CSMD3: variants seen among roughly 807,000 people sequenced by gnomAD.
CSMD3 encodes CUB and sushi domain-containing protein 3.
Under a neutral mutation model 435.2 loss-of-function variants are expected in CSMD3, and 177 were observed. The observed-to-expected ratio is 0.41, with a 90% CI of 0.36 to 0.46. The LOEUF (loss-of-function observed/expected upper bound fraction) is 0.46. Ranked by LOEUF, CSMD3 falls within the 20% of genes least tolerant of loss-of-function variation. CSMD3 has a pLI of 0.34. For synonymous variants in CSMD3, 1,656 were observed against 1,520.5 expected (o/e 1.09, Z -2.07); for missense variants, 4,265 against 4,504.6 (o/e 0.95, Z 1.52).
At chr8:113,136,081 T>C (rs543850662) in intron 4 of CSMD3, among the ~76,000 whole-genome samples, 1 of 151,876 alleles carries the variant, frequency 6.6e-6, no homozygotes, top group Non-Finnish European at 1.5e-5. Context: ...TTTGACCATA[T>C]TACGTATCAT....
intron 13 of CSMD3, among the ~76,000 whole-genome samples, chr8:112,726,363 C>T (rs2076964420): frequency 6.6e-6 from 1 of 151,874 alleles, no homozygotes; most frequent in South Asian, 2.1e-4. Context: ...CAGTGATATA[C>T]ATTAGCATAT....
intron 4 of CSMD3, among the ~76,000 whole-genome samples, chr8:113,123,747 G>T (rs2091048579): frequency 1.3e-5 from 2 of 151,874 alleles, no homozygotes; most frequent in Non-Finnish European, 1.5e-5. Context: ...CTTTTTTGTG[G>T]GTAGAGAGTG....
chr8:112,504,474 T>C (rs948933796), intron 29 of CSMD3, among the ~76,000 whole-genome samples: 10 of 152,240 alleles, frequency 6.6e-5, no homozygotes, highest in African/African-American at 2.2e-4. Context: ...CAATCAGATA[T>C]GGACAAAAGC....
At chr8:112,753,935 C>T (rs2077631881) in intron 13 of CSMD3, among the ~76,000 whole-genome samples, 1 of 151,874 alleles carries the variant, frequency 6.6e-6, no homozygotes, top group Non-Finnish European at 1.5e-5. Context: ...ATACAAATTG[C>T]CAAAATTTAT....
chr8:112,974,000 T>C (rs1007801259), intron 7 of CSMD3, among the ~76,000 whole-genome samples: 10 of 151,844 alleles, frequency 6.6e-5, no homozygotes, highest in African/African-American at 2.4e-4. Flanking sequence ...CACCACTGAA[T>C]GCATATTAAA....
intron 13 of CSMD3, among the ~76,000 whole-genome samples, chr8:112,719,106 T>C (rs1411353942): frequency 1.3e-5 from 2 of 152,116 alleles, no homozygotes; most frequent in East Asian, 3.9e-4. Flanking sequence ...AAAAATTTCA[T>C]TAGACAAAAC....
At chr8:112,775,741 A>G (rs2078229099) in intron 13 of CSMD3, among the ~76,000 whole-genome samples, 1 of 151,896 alleles carries the variant, frequency 6.6e-6, no homozygotes, top group Non-Finnish European at 1.5e-5. Context: ...CAATCTAGTT[A>G]ATTCACAAAG....
At chr8:112,530,802 A>T (rs551450996) in intron 27 of CSMD3, among the ~76,000 whole-genome samples, 1 of 152,300 alleles carries the variant, frequency 6.6e-6, no homozygotes, top group South Asian at 2.1e-4. Context: ...CCGAGCCAAT[A>T]CCCACAGAGG....
chr8:112,668,031 G>A lies in CSMD3; in HGVS notation c.2678-1616C>T, dbSNP rs149376955. Among the ~76,000 whole-genome samples, 1,373 of 152,212 alleles carry A rather than the reference G, an allele frequency of 9.0e-3. 18 individuals carry two copies. Among genetic ancestry groups the A allele is most frequent in the African/African-American group, 0.029 (1,223 of 41,554 alleles). On this transcript the variant is annotated intron_variant, in intron 16 of 70. Coordinates refer to ENST00000297405, the MANE Select transcript of CSMD3 (RefSeq NM_198123.2). Reference sequence around the variant, plus strand: ...ATTGGCCTAGGAATTAAACATTACTGTAAAATTTCTGTTTTTAGTAAAACA... The same window carrying A: ...ATTGGCCTAGGAATTAAACATTACTATAAAATTTCTGTTTTTAGTAAAACA...
chr8:112,442,287 C>T (rs1171386569), intron 32 of CSMD3, among the ~76,000 whole-genome samples: 1 of 152,142 alleles, frequency 6.6e-6, no homozygotes, highest in African/African-American at 2.4e-5. Flanking sequence ...CTATACCCCA[C>T]CTCCAATATT....
At chr8:112,670,598 T>A (rs2075633628) in intron 16 of CSMD3, among the ~76,000 whole-genome samples, 1 of 152,058 alleles carries the variant, frequency 6.6e-6, no homozygotes, top group South Asian at 2.1e-4. Flanking sequence ...GGAAGGAGAA[T>A]CAAAAGCATT....
intron 32 of CSMD3, among the ~76,000 whole-genome samples, chr8:112,451,559 A>G (rs1816275923): frequency 6.6e-6 from 1 of 150,390 alleles, no homozygotes; most frequent in South Asian, 2.1e-4. Flanking sequence ...TTTTTTTGAG[A>G]CAGAGTTTTG....
intron 10 of CSMD3, among the ~76,000 whole-genome samples, chr8:112,903,965 A>G (rs1408758181): frequency 1.3e-5 from 2 of 151,360 alleles, no homozygotes; most frequent in Non-Finnish European, 3.0e-5. Flanking sequence ...GGAAACTCAC[A>G]GTTTTCTAGC....
At chr8:113,030,259 C>A in intron 5 of CSMD3, among the ~76,000 whole-genome samples, 1 of 149,406 alleles carries the variant, frequency 6.7e-6, no homozygotes, top group African/African-American at 2.4e-5. Flanking sequence ...TCATTCATTA[C>A]AGAATTAGAA....
At chr8:112,301,537 T>C (rs1820919182) in intron 53 of CSMD3, among the ~76,000 whole-genome samples, 1 of 152,116 alleles carries the variant, frequency 6.6e-6, no homozygotes, top group Non-Finnish European at 1.5e-5. Context: ...TTTCAGCAAT[T>C]AGTTTTCACC....
chr8:113,055,224 C>A (rs980199986), intron 5 of CSMD3, among the ~76,000 whole-genome samples: 1 of 152,250 alleles, frequency 6.6e-6, no homozygotes, highest in South Asian at 2.1e-4. Flanking sequence ...GATCTCGACT[C>A]ACTGCAACCT....
In CSMD3 at chr8:113,009,320, G is replaced by T. The variant is rs549697532; in HGVS notation, c.1030+9747C>A. Among the ~76,000 whole-genome samples, 12 of 151,894 alleles carry T rather than the reference G, an allele frequency of 7.9e-5. No individual in the cohort carries two copies. In the South Asian group the frequency reaches 2.3e-3, roughly 29 times the overall value. On this transcript the variant is annotated intron_variant, in intron 6 of 70. Coordinates refer to ENST00000297405, the MANE Select transcript of CSMD3 (RefSeq NM_198123.2). ...AGTACAAGAATTTTGGACCTAGAAA[G>T]AACTCACAGTCCTGAGATATTAAGT... is the stretch of plus-strand genomic sequence containing the variant.
At chr8:112,420,620 A>C (rs1563925139) in intron 32 of CSMD3, among the ~76,000 whole-genome samples, 1 of 152,176 alleles carries the variant, frequency 6.6e-6, no homozygotes, top group African/African-American at 2.4e-5. Flanking sequence ...TTTGTGAAAA[A>C]AAATGAGTCT....
intron 59 of CSMD3, among the ~76,000 whole-genome samples, chr8:112,278,225 T>C (rs1056326929): frequency 6.6e-6 from 1 of 152,148 alleles, no homozygotes; most frequent in African/African-American, 2.4e-5. Flanking sequence ...TTTTTGTTGT[T>C]GTTTGTGACT....
Sources: allele counts gnomAD v4.1 joint callset (sites outside exome capture counted in the v4.1 genomes callset), GRCh38; gene constraint gnomAD v4.1.1; transcripts MANE v1.5; gene names NCBI Gene and HGNC (gene_info 2026-07-23, HGNC 2026-07-21).